ACSM2B: variants seen among roughly 807,000 people sequenced by gnomAD.
ACSM2B encodes the protein acyl-CoA synthetase medium chain family member 2B, also known as acyl-coenzyme A synthetase ACSM2B, mitochondrial.
A neutral mutation model predicts 78.6 loss-of-function variants in ACSM2B; 58 were observed. That is an observed-to-expected ratio of 0.74 (90% CI 0.60 to 0.92). ACSM2B has a LOEUF of 0.92. ACSM2B is among the 40% of genes least tolerant of loss of function. ACSM2B has a pLI of 0.00. For synonymous variants in ACSM2B, 257 were observed against 256.8 expected, an observed-to-expected ratio of 1.00 and a Z score of -0.01; for missense variants, 688 against 711.2, an observed-to-expected ratio of 0.97 and a Z score of 0.37.
chr16:20,540,485 C>T (rs2014958690), intron 13 of ACSM2B, among the ~76,000 whole-genome samples, 169 bp downstream of exon 13: 1 of 152,152 alleles, frequency 6.6e-6, no homozygotes, highest in Non-Finnish European at 1.5e-5. Context: ...TCAGGTGATC[C>T]ACCCGCCTTG....
In ACSM2B at chr16:20,542,988, C is replaced by T; in HGVS notation, c.1435G>A (p.Glu479Lys). ...GCAGGGTGCTTCATCAGTGCATTCTCTACCTCCGAGGGTCCAATCCGGTAC... is the reference window on the plus strand; with the variant it reads ...GCAGGGTGCTTCATCAGTGCATTCTTTACCTCCGAGGGTCCAATCCGGTAC... Reference protein sequence around the residue: ...SGYRIGPSEVENALMKHPAVV... With the variant: ...SGYRIGPSEVKNALMKHPAVV... Residue 479 changes from glutamate to lysine, a missense_variant, in exon 12 of 14, where the codon GAG becomes AAG. Coordinates refer to ENST00000329697, the MANE Select transcript of ACSM2B (RefSeq NM_001105069.2). The T allele has an allele frequency of 6.2e-7, 1 of 1,613,688 alleles. No homozygotes were observed. The highest frequency in any genetic ancestry group is 8.5e-7 in the Non-Finnish European group (1 of 1,179,862).
Position 20,566,404 on chromosome 16 carries a change from T to C in ACSM2B, c.-8-1551A>G, listed in dbSNP as rs528429315. Among the ~76,000 whole-genome samples the C allele has an allele frequency of 3.5e-4, 46 of 131,782 alleles. No homozygotes were observed. The East Asian group carries it at 8.4e-3, about 24-fold the overall frequency. 86.5% of individuals were successfully genotyped at this position (131,782 alleles called of 152,430 possible). ...ATATACTACATTATATGTGGATATATTATATATCATATATGGGTATTATAC... is the reference window on the plus strand; with the variant it reads ...ATATACTACATTATATGTGGATATACTATATATCATATATGGGTATTATAC... On this transcript the variant is annotated intron_variant, in intron 1 of 13. Coordinates refer to ENST00000329697, the MANE Select transcript of ACSM2B (RefSeq NM_001105069.2).
intron 10 of ACSM2B, among the ~76,000 whole-genome samples, chr16:20,544,313 CTG>C (rs1567206161): frequency 6.6e-6 from 1 of 152,180 alleles, no homozygotes; most frequent in Non-Finnish European, 1.5e-5. Context: ...GATGAGGAAA[CTG>C]AGACATGACA....
chr16:20,561,303 A>T (rs1263078379), intron 2 of ACSM2B, among the ~76,000 whole-genome samples: 1 of 151,602 alleles, frequency 6.6e-6, no homozygotes, highest in Admixed American at 6.6e-5. Context: ...GCTCACAGTT[A>T]TGCAGGGTGT....
chr16:20,552,208 C>A lies in ACSM2B; in HGVS notation c.830G>T (p.Trp277Leu). ...AACAAATGTGCATGCTCCTAATGTC[C>A]AAGATTCCAAAAGTGAGCCCAAGAT... Reference protein sequence around the residue: ...LNILGSLLESWTLGACTFVHL... With the variant: ...LNILGSLLESLTLGACTFVHL... The change falls in exon 6 of 14, where the codon TGG (tryptophan) becomes TTG (leucine). Residue 277 changes from tryptophan (W) to leucine (L), a missense_variant. Trp to Leu is a moderately conservative substitution (Grantham distance 61). Coordinates refer to ENST00000329697, the MANE Select transcript of ACSM2B (RefSeq NM_001105069.2). The A allele has an allele frequency of 6.2e-7, 1 of 1,613,838 alleles. No homozygotes were observed. Among genetic ancestry groups the A allele is most frequent in the Non-Finnish European group, 8.5e-7 (1 of 1,179,830 alleles).
rs912143265 is a variant in ACSM2B at position 20,537,131 on chromosome 16, G to T, written c.*127C>A. Reference sequence around the variant, plus strand: ...TAGTAATGTTTTGTGCTAATAACCAGGGCAAGACAAAACTTACATTCATGT... The same window carrying T: ...TAGTAATGTTTTGTGCTAATAACCATGGCAAGACAAAACTTACATTCATGT... On this transcript the variant is annotated 3_prime_UTR_variant, in exon 14 of 14. Coordinates refer to ENST00000329697, the MANE Select transcript of ACSM2B (RefSeq NM_001105069.2). 4 of 1,153,796 alleles carry T rather than the reference G, an allele frequency of 3.5e-6. No individual in the cohort carries two copies. In the South Asian group the frequency reaches 4.4e-5, roughly 13 times the overall value. The allele number at this position is 1,153,796 out of a possible 1,614,324, so 71.5% of individuals were successfully genotyped here.
chr16:20,553,734 C>G lies in ACSM2B; in HGVS notation c.740+43G>C, dbSNP rs369396695. 1.6e-5 allele frequency: 25 copies of G among 1,596,256 alleles called. No homozygotes were observed. In the African/African-American group the frequency reaches 3.2e-4, roughly 21 times the overall value. ...ATTTGAACTCAGAAACGTCTTCATG[C>G]CTGGTCATGCAATTCTCTGTAGAGA... On this transcript the variant is annotated intron_variant, in intron 5 of 13. Transcript: ENST00000329697.
At chr16:20,548,791 C>A (rs957239786) in intron 6 of ACSM2B, among the ~76,000 whole-genome samples, 1 of 152,118 alleles carries the variant, frequency 6.6e-6, no homozygotes, top group Admixed American at 6.5e-5. Context: ...GAGTATATCA[C>A]CCCCCAGCAA....
At chr16:20,571,791 C>G (rs2016100072) in intron 1 of ACSM2B, among the ~76,000 whole-genome samples, 1 of 147,868 alleles carries the variant, frequency 6.8e-6, no homozygotes, top group Non-Finnish European at 1.5e-5. Context: ...GTGATGTCTT[C>G]CTGTTGGACA....
At chr16:20,571,208 G>A (rs2016085838) in intron 1 of ACSM2B, among the ~76,000 whole-genome samples, 1 of 151,946 alleles carries the variant, frequency 6.6e-6, no homozygotes. Context: ...GGCATTTAAG[G>A]CTATGAACTT....
intron 1 of ACSM2B, among the ~76,000 whole-genome samples, chr16:20,574,949 A>T (rs56690121): frequency 7.3e-6 from 1 of 137,570 alleles, no homozygotes. Context: ...TATGTTCCTT[A>T]GTTCTCCACA....
chr16:20,543,418 G>C (rs1414092601), intron 10 of ACSM2B, among the ~76,000 whole-genome samples, 156 bp from the exon 11 acceptor site: 3 of 152,174 alleles, frequency 2.0e-5, no homozygotes, highest in Non-Finnish European at 4.4e-5. Context: ...GCCAACCCTA[G>C]GCCACAGGCA....
At chr16:20,543,455 G>A (rs1015964679) in intron 10 of ACSM2B, among the ~76,000 whole-genome samples, 193 bp from the exon 11 acceptor site, 1 of 152,220 alleles carries the variant, frequency 6.6e-6, no homozygotes, top group Non-Finnish European at 1.5e-5. Flanking sequence ...ATTTATTGAA[G>A]TTATTCCACC....
In ACSM2B at chr16:20,564,828, T is replaced by A. The variant is rs757224737; in HGVS notation, c.18A>T (p.Lys6Asn). The A allele has an allele frequency of 1.5e-5, 24 of 1,610,622 alleles. No homozygotes were observed. The East Asian group carries it at 5.4e-4, about 36-fold the overall frequency. Residue 6 changes from lysine (K) to asparagine (N), a missense_variant, in exon 2 of 14, where the codon AAA (lysine) becomes AAT (asparagine). Physicochemically the swap from Lys to Asn is moderately conservative, Grantham distance 94 (BLOSUM62 0). Transcript: ENST00000329697. MHWLR[K>N]VQGLCTLWGT... is the part of the protein sequence containing the mutation. The stretch of plus-strand genomic sequence containing the variant: ...CCCACAGGGTGCAAAGTCCCTGAAC[T>A]TTTCGCAGCCAATGCATGTTCAGGC...
At chr16:20,569,533 T>C (rs542396266) in intron 1 of ACSM2B, among the ~76,000 whole-genome samples, 10 of 152,124 alleles carry the variant, frequency 6.6e-5, no homozygotes, top group African/African-American at 2.4e-4. Flanking sequence ...TCTTTTTGGA[T>C]AGTCTTGCTT....
At position 20,545,317 on chromosome 16, in the gene ACSM2B, A is replaced by G. The variant is rs971301015; in HGVS notation, c.1180-59T>C. 4.4e-6 allele frequency: 7 copies of G among 1,573,206 alleles called. No homozygotes were observed. In the African/African-American group the frequency reaches 9.4e-5, roughly 21 times the overall value. ...CACAGCAGGAGATGGCTTCAATGGC[A>G]GCAGGAGATTGCTGAGTTGGTCAAA... On this transcript the variant is annotated intron_variant, in intron 9 of 13. Transcript: ENST00000329697.
intron 6 of ACSM2B, among the ~76,000 whole-genome samples, chr16:20,550,383 A>T (rs1055662117): frequency 3.3e-5 from 5 of 152,132 alleles, no homozygotes; most frequent in Admixed American, 6.5e-5. Flanking sequence ...TCAACTTGCA[A>T]CTACATACTC....
At chr16:20,562,974 A>G (rs2015709005) in intron 2 of ACSM2B, among the ~76,000 whole-genome samples, 1 of 152,164 alleles carries the variant, frequency 6.6e-6, no homozygotes, top group Non-Finnish European at 1.5e-5. Context: ...GCACTTGAAG[A>G]CATTTCTCAC....
At chr16:20,567,572 TA>T (rs1447935096) in intron 1 of ACSM2B, among the ~76,000 whole-genome samples, 7 of 132,604 alleles carry the variant, frequency 5.3e-5, no homozygotes, top group African/African-American at 1.7e-4. Flanking sequence ...AAATTATATA[TA>T]AAAATATATA....
Sources: allele counts gnomAD v4.1 joint callset (sites outside exome capture counted in the v4.1 genomes callset), GRCh38; gene constraint gnomAD v4.1.1; transcripts MANE v1.5; gene names NCBI Gene and HGNC (gene_info 2026-07-23, HGNC 2026-07-21).